The following PID1 variants were observed in gnomAD, a reference collection of about 807,000 sequenced individuals.
The protein encoded by PID1 is PTB-containing, cubilin and LRP1-interacting protein.
PID1 carries 10 observed loss-of-function variants against 19.1 expected under a neutral mutation model. That is an observed-to-expected ratio of 0.52 (90% CI 0.32 to 0.89). The LOEUF is 0.89. PID1 is among the 40% of genes least tolerant of loss of function. The pLI is 0.03. For synonymous variants in PID1, 130 were observed against 116.0 expected (o/e 1.12, Z -0.78); for missense variants, 248 against 285.3 (o/e 0.87, Z 0.94).
chr2:229,050,059 C>T (rs1036579429), intron 2 of PID1, among the ~76,000 whole-genome samples: 14 of 152,086 alleles, frequency 9.2e-5, no homozygotes, highest in Admixed American at 4.6e-4. Context: ...GAAAAAATGT[C>T]CAAATAATAA....
At chr2:229,147,133 TGACACCA>T (rs1374225672) in intron 2 of PID1, among the ~76,000 whole-genome samples, 29 of 152,224 alleles carry the variant, frequency 1.9e-4, no homozygotes, top group African/African-American at 7.0e-4. Context: ...GAGGCAAGTC[TGACACCA>T]GACAAATCAC....
chr2:229,262,325 G>C (rs890014647), intron 1 of PID1, among the ~76,000 whole-genome samples: 1 of 152,154 alleles, frequency 6.6e-6, no homozygotes, highest in Admixed American at 6.5e-5. Flanking sequence ...TTTTCCAGAG[G>C]ACCTTCCCTG....
chr2:229,179,461 GA>G (rs1327485997), intron 1 of PID1, among the ~76,000 whole-genome samples: 1 of 151,826 alleles, frequency 6.6e-6, no homozygotes, highest in African/African-American at 2.4e-5. Context: ...TGATGAACAG[GA>G]ACACCAAAAA....
In PID1 at chr2:229,026,018, T is replaced by A. The variant is rs138008399; in HGVS notation, c.268A>T (p.Thr90Ser). 2.0e-5 allele frequency: 33 copies of A among 1,614,066 alleles called. No homozygotes were observed. In the African/African-American group the frequency reaches 4.0e-4, roughly 20 times the overall value. ...GGAAAGACATCCTCTCGGGCTAGCGTGTGCTTCTTCCAGAGCTCAATGACT... is the reference window on the plus strand; with the variant it reads ...GGAAAGACATCCTCTCGGGCTAGCGAGTGCTTCTTCCAGAGCTCAATGACT... Reference protein sequence around the residue: ...KPVIELWKKHTLAREDVFPAN... With the variant: ...KPVIELWKKHSLAREDVFPAN... Residue 90 changes from threonine to serine, a missense_variant, in exon 3 of 3, where the codon ACG (threonine) becomes TCG (serine). Physicochemically the swap from Thr to Ser is moderately conservative, Grantham distance 58. Transcript: ENST00000392055.
chr2:229,051,832 C>A (rs894969705), intron 2 of PID1, among the ~76,000 whole-genome samples: 4 of 152,196 alleles, frequency 2.6e-5, no homozygotes, highest in Admixed American at 1.3e-4. Context: ...GCTCCCAATT[C>A]TCTTTCTCCC....
chr2:229,093,868 T>A (rs1694924093), intron 2 of PID1, among the ~76,000 whole-genome samples: 1 of 152,132 alleles, frequency 6.6e-6, no homozygotes. Flanking sequence ...TAGGAAAAAG[T>A]TGAAGCATTC....
intron 1 of PID1, among the ~76,000 whole-genome samples, chr2:229,182,957 C>A (rs991611007): frequency 3.3e-5 from 5 of 152,196 alleles, no homozygotes; most frequent in African/African-American, 1.2e-4. Context: ...TCATTCTCAG[C>A]TGAGGGCTTT....
chr2:229,225,801 G>T (rs1352114643), intron 1 of PID1, among the ~76,000 whole-genome samples: 1 of 152,132 alleles, frequency 6.6e-6, no homozygotes, highest in Non-Finnish European at 1.5e-5. Context: ...AGAGCCAAGA[G>T]GGAAAAGTTC....
At chr2:229,093,157 G>A (rs1251927181) in intron 2 of PID1, among the ~76,000 whole-genome samples, 1 of 145,238 alleles carries the variant, frequency 6.9e-6, no homozygotes, top group African/African-American at 2.5e-5. Context: ...TTTTGAGATG[G>A]AGTCTCGCTC....
intron 1 of PID1, among the ~76,000 whole-genome samples, chr2:229,218,231 T>A (rs1482744537): frequency 6.7e-6 from 1 of 148,504 alleles, no homozygotes; most frequent in Non-Finnish European, 1.5e-5. Flanking sequence ...CAACATAAGT[T>A]TGTATAGATT....
chr2:229,071,184 G>C (rs1433273416), intron 2 of PID1, among the ~76,000 whole-genome samples: 1 of 152,214 alleles, frequency 6.6e-6, no homozygotes, highest in African/African-American at 2.4e-5. Flanking sequence ...ACATCGCTGA[G>C]TTGAAAAGTT....
chr2:229,076,013 G>A (rs1415170560), intron 2 of PID1, among the ~76,000 whole-genome samples: 1 of 152,136 alleles, frequency 6.6e-6, no homozygotes, highest in Non-Finnish European at 1.5e-5. Flanking sequence ...TACATTGGTT[G>A]TCTATGCCAT....
chr2:229,105,948 G>A (rs754992656), intron 2 of PID1, among the ~76,000 whole-genome samples: 23 of 151,856 alleles, frequency 1.5e-4, no homozygotes, highest in South Asian at 4.2e-4. Flanking sequence ...ATGTGGTGGC[G>A]CGTGCCTGTA....
intron 2 of PID1, among the ~76,000 whole-genome samples, chr2:229,068,578 C>T (rs553656880): frequency 2.0e-5 from 3 of 152,284 alleles, no homozygotes; most frequent in East Asian, 1.9e-4. Context: ...TGAGTACATT[C>T]GTTGCCCTTC....
At chr2:229,045,206 G>A (rs1457062646) in intron 2 of PID1, among the ~76,000 whole-genome samples, 1 of 152,144 alleles carries the variant, frequency 6.6e-6, no homozygotes, top group Non-Finnish European at 1.5e-5. Flanking sequence ...CACCCGCCTT[G>A]GCCTCCCAAA....
chr2:229,255,474 A>G (rs982053091), intron 1 of PID1, among the ~76,000 whole-genome samples: 3 of 152,188 alleles, frequency 2.0e-5, no homozygotes, highest in Non-Finnish European at 4.4e-5. Flanking sequence ...TACCACCATT[A>G]TGGATGTTTT....
At chr2:229,173,735 C>T (rs150425033) in intron 1 of PID1, among the ~76,000 whole-genome samples, 2 of 152,310 alleles carry the variant, frequency 1.3e-5, no homozygotes, top group East Asian at 3.9e-4. Context: ...CTTCCCTTAT[C>T]CCTCAGGCCT....
chr2:229,049,340 C>A (rs1021246582), intron 2 of PID1, among the ~76,000 whole-genome samples: 1 of 152,126 alleles, frequency 6.6e-6, no homozygotes, highest in Non-Finnish European at 1.5e-5. Context: ...CTCTGACCCT[C>A]TTTGTTTCCA....
chr2:229,063,309 G>T (rs1694253803), intron 2 of PID1, among the ~76,000 whole-genome samples: 2 of 151,698 alleles, frequency 1.3e-5, no homozygotes, highest in African/African-American at 4.8e-5. Context: ...CACATGTTTT[G>T]GTATGTTGTG....
Sources: allele counts gnomAD v4.1 joint callset (sites outside exome capture counted in the v4.1 genomes callset), GRCh38; gene constraint gnomAD v4.1.1; transcripts MANE v1.5; gene names NCBI Gene and HGNC (gene_info 2026-07-23, HGNC 2026-07-21).